IFNG-AS1: variants seen among roughly 807,000 people sequenced by gnomAD.
IFNG-AS1 encodes the protein IFNG regulatory antisense RNA 1.
intron 1 of IFNG-AS1, among the ~76,000 whole-genome samples, chr12:67,995,731 A>G (rs1359690149): frequency 6.6e-6 from 1 of 151,858 alleles, no homozygotes; most frequent in Non-Finnish European, 1.5e-5. Context: ...CCAAAAAAAA[A>G]AAAAAAGAAA....
chr12:68,017,501 G>A (rs1354506069), intron 3 of IFNG-AS1, among the ~76,000 whole-genome samples: 5 of 152,040 alleles, frequency 3.3e-5, no homozygotes, highest in African/African-American at 1.2e-4. Flanking sequence ...ATGAATTTTT[G>A]GTGGAGAATT....
intron 1 of IFNG-AS1, among the ~76,000 whole-genome samples, chr12:67,991,726 C>G (rs1334579960): frequency 6.6e-6 from 1 of 152,176 alleles, no homozygotes; most frequent in Non-Finnish European, 1.5e-5. Flanking sequence ...TGCAACTATG[C>G]CCTCACATGA....
At chr12:67,999,070 TG>T (rs1255765358) in intron 2 of IFNG-AS1, among the ~76,000 whole-genome samples, 1 of 152,066 alleles carries the variant, frequency 6.6e-6, no homozygotes, top group African/African-American at 2.4e-5. Context: ...TGAAATCAAA[TG>T]TATTGGTATG....
rs373933139 is a variant in IFNG-AS1, at chr12:68,018,991, C to G, written n.242-871C>G. Among the ~76,000 whole-genome samples the G allele has an allele frequency of 3.8e-4, 58 of 152,078 alleles. 1 individual carries two copies. Among genetic ancestry groups the G allele is most frequent in the African/African-American group, 1.3e-3 (55 of 41,464 alleles). ...CTCTCTCATACTAATTCTTGTGGAGCCTTCAACCTCCATAAAGTGTGCAGG... is the reference window on the plus strand; with the variant it reads ...CTCTCTCATACTAATTCTTGTGGAGGCTTCAACCTCCATAAAGTGTGCAGG... On this transcript the variant is annotated intron_variant and non_coding_transcript_variant, in intron 3 of 5. Coordinates refer to ENST00000536914, the Ensembl canonical transcript of IFNG-AS1.
chr12:68,019,354 T>C (rs1200950655), intron 3 of IFNG-AS1, among the ~76,000 whole-genome samples: 1 of 152,182 alleles, frequency 6.6e-6, no homozygotes, highest in Non-Finnish European at 1.5e-5. Flanking sequence ...TATTTTATAG[T>C]GAAGGAATCT....
At chr12:68,005,931 A>G (rs914286297) in intron 2 of IFNG-AS1, among the ~76,000 whole-genome samples, 2 of 152,216 alleles carry the variant, frequency 1.3e-5, no homozygotes, top group African/African-American at 2.4e-5. Context: ...GAAATGGAAT[A>G]TTATCTCAGA....
intron 3 of IFNG-AS1, among the ~76,000 whole-genome samples, chr12:68,019,293 C>T (rs1353568943): frequency 6.6e-6 from 1 of 152,160 alleles, no homozygotes; most frequent in East Asian, 1.9e-4. Flanking sequence ...ACATGCCAGG[C>T]TCTGTTCTAA....
chr12:68,019,409 C>T (rs373846964), intron 3 of IFNG-AS1, among the ~76,000 whole-genome samples: 4 of 152,052 alleles, frequency 2.6e-5, no homozygotes, highest in African/African-American at 7.2e-5. Flanking sequence ...ACTAAAGAGC[C>T]GAGCCAGAAT....
exon 2 of IFNG-AS1, chr12:67,996,019 G>A (rs1879633862): frequency 6.6e-6 from 1 of 152,046 alleles, no homozygotes; most frequent in Non-Finnish European, 1.5e-5. Flanking sequence ...CCTCATGCAG[G>A]GAAGAAGAAA....
At chr12:67,998,719 C>A (rs1200735810) in intron 2 of IFNG-AS1, among the ~76,000 whole-genome samples, 1 of 152,062 alleles carries the variant, frequency 6.6e-6, no homozygotes. Context: ...AACTCAATTA[C>A]AAACCACACT....
At chr12:68,012,875 A>G (rs1208478635) in intron 3 of IFNG-AS1, among the ~76,000 whole-genome samples, 1 of 152,218 alleles carries the variant, frequency 6.6e-6, no homozygotes, top group Non-Finnish European at 1.5e-5. Context: ...AAACAACAAC[A>G]GCTTTGCTCT....
chr12:68,009,799 T>C (rs1387197181), intron 3 of IFNG-AS1, among the ~76,000 whole-genome samples: 2 of 152,170 alleles, frequency 1.3e-5, no homozygotes, highest in African/African-American at 4.8e-5. Context: ...TTTATCATCA[T>C]CTCATCCAGT....
At chr12:67,994,336 A>G (rs1043690954) in intron 1 of IFNG-AS1, among the ~76,000 whole-genome samples, 4 of 152,244 alleles carry the variant, frequency 2.6e-5, no homozygotes, top group African/African-American at 9.6e-5. Flanking sequence ...GCCCAGTTTC[A>G]TTCATATCCG....
intron 2 of IFNG-AS1, among the ~76,000 whole-genome samples, chr12:68,002,382 C>T (rs1302449214): frequency 3.3e-5 from 5 of 152,194 alleles, no homozygotes; most frequent in Admixed American, 1.3e-4. Flanking sequence ...TAGTATTTGG[C>T]TCTCAGAGTC....
At chr12:67,990,905 A>T (rs1169914899) in intron 1 of IFNG-AS1, among the ~76,000 whole-genome samples, 6 of 152,112 alleles carry the variant, frequency 3.9e-5, no homozygotes, top group Non-Finnish European at 8.8e-5. Flanking sequence ...TTTTTTTTTA[A>T]CTTTAAACTC....
intron 1 of IFNG-AS1, among the ~76,000 whole-genome samples, chr12:67,993,987 T>C (rs1470387388): frequency 6.6e-6 from 1 of 152,214 alleles, no homozygotes; most frequent in African/African-American, 2.4e-5. Flanking sequence ...GTCTCAGTAA[T>C]AACAAGTTAT....
intron 3 of IFNG-AS1, among the ~76,000 whole-genome samples, chr12:68,012,834 G>A (rs1386954999): frequency 6.6e-6 from 1 of 152,220 alleles, no homozygotes; most frequent in Non-Finnish European, 1.5e-5. Flanking sequence ...TTGCTATCAA[G>A]TGCAGAAAGA....
chr12:68,018,251 G>C (rs79468015), intron 3 of IFNG-AS1, among the ~76,000 whole-genome samples: 5,291 of 152,118 alleles, frequency 0.035, 153 homozygotes, highest in Non-Finnish European at 0.055. Context: ...ACTTTTGGAG[G>C]TTGCTGATCT....
At chr12:68,012,417 G>C (rs1368591909) in intron 3 of IFNG-AS1, among the ~76,000 whole-genome samples, 5 of 152,150 alleles carry the variant, frequency 3.3e-5, no homozygotes, top group African/African-American at 1.2e-4. Context: ...ATGCAGCTGT[G>C]TTAGCCTCAA....
Sources: gnomAD v4.1 joint callset for allele counts (sites outside exome capture counted in the v4.1 genomes callset) on GRCh38, gnomAD v4.1.1 for gene constraint, MANE v1.5 for transcripts, NCBI Gene and HGNC (gene_info 2026-07-23, HGNC 2026-07-21) for gene names.